Variants in PRR5L observed in about 807,000 individuals in gnomAD.
PRR5L encodes proline-rich protein 5-like.
A neutral mutation model predicts 36.4 loss-of-function variants in PRR5L; 21 were observed. The observed-to-expected ratio is 0.58, with a 90% CI of 0.41 to 0.83. The LOEUF (loss-of-function observed/expected upper bound fraction) is 0.83, where lower values mean the gene tolerates loss of function less well. Among genes scored for constraint, PRR5L ranks in the 40% least tolerant of loss-of-function variants. The pLI is 0.00. For missense variants in PRR5L, 381 were observed against 473.3 expected, an observed-to-expected ratio of 0.80 and a Z score of 1.81; for synonymous variants, 188 against 197.0, an observed-to-expected ratio of 0.95 and a Z score of 0.38.
chr11:36,369,091 GGA>G (rs1290348725), intron 1 of PRR5L, among the ~76,000 whole-genome samples: 9 of 152,140 alleles, frequency 5.9e-5, no homozygotes, highest in African/African-American at 2.2e-4. Context: ...GGAAGGGCTG[GGA>G]GACAGGTCAG....
chr11:36,354,215 A>G (rs939600622), intron 1 of PRR5L, among the ~76,000 whole-genome samples: 1 of 152,228 alleles, frequency 6.6e-6, no homozygotes, highest in Non-Finnish European at 1.5e-5. Context: ...CAAAAATAAG[A>G]TAATACATGT....
chr11:36,362,429 G>A (rs540797073), intron 1 of PRR5L, among the ~76,000 whole-genome samples: 1 of 151,876 alleles, frequency 6.6e-6, no homozygotes, highest in South Asian at 2.1e-4. Context: ...CCCTTGGCGG[G>A]GTGGGGGTGG....
At chr11:36,346,548 A>C (rs754506346) in intron 1 of PRR5L, among the ~76,000 whole-genome samples, 3 of 152,082 alleles carry the variant, frequency 2.0e-5, no homozygotes, top group Admixed American at 2.0e-4. Flanking sequence ...GCGCCACTGC[A>C]CTTCAGCCTG....
At chr11:36,392,613 G>C (rs1306209248) in intron 1 of PRR5L, among the ~76,000 whole-genome samples, 1 of 152,168 alleles carries the variant, frequency 6.6e-6, no homozygotes, top group Non-Finnish European at 1.5e-5. Context: ...AACTACCTGA[G>C]ACTGGGTAAT....
intron 1 of PRR5L, chr11:36,394,431 C>A (rs1331161340): frequency 2.0e-5 from 3 of 152,232 alleles, no homozygotes; most frequent in African/African-American, 7.2e-5. Context: ...TCCAAGGTCA[C>A]ACTGTGAGTT....
At chr11:36,427,334 A>G (rs1450414929) in intron 4 of PRR5L, among the ~76,000 whole-genome samples, 1 of 151,998 alleles carries the variant, frequency 6.6e-6, no homozygotes, top group Non-Finnish European at 1.5e-5. Context: ...CCAAGTCCCA[A>G]GTTGCTTCCT....
rs145663062 is a variant in PRR5L at position 36,451,163 on chromosome 11, G to A, written c.586-46G>A. 643 of 1,606,774 alleles carry A rather than the reference G, an allele frequency of 4.0e-4. 3 individuals carry two copies. In the African/African-American group the frequency reaches 7.6e-3, roughly 19 times the overall value. The stretch of plus-strand genomic sequence containing the variant: ...TGTTGAGTGAGAACCTGCTGGTCAT[G>A]GCAATGAACACTGACCTTTGTGTAT... On this transcript the variant is annotated intron_variant, in intron 7 of 8. Transcript: ENST00000530639.
chr11:36,351,531 A>T (rs1183323593), intron 1 of PRR5L, among the ~76,000 whole-genome samples: 7 of 13,770 alleles, frequency 5.1e-4, no homozygotes, highest in African/African-American at 3.5e-3. Flanking sequence ...TTATATATTT[A>T]TATAAATATA....
At chr11:36,412,240 A>T (rs1324434676) in intron 3 of PRR5L, among the ~76,000 whole-genome samples, 1 of 152,110 alleles carries the variant, frequency 6.6e-6, no homozygotes, top group African/African-American at 2.4e-5. Context: ...GTTTCCTTGT[A>T]TATTAAAATT....
At chr11:36,308,345 C>A (rs1040430518) in intron 1 of PRR5L, among the ~76,000 whole-genome samples, 1 of 152,158 alleles carries the variant, frequency 6.6e-6, no homozygotes, top group African/African-American at 2.4e-5. Flanking sequence ...CTTCAGGCCC[C>A]AATCCTCAAA....
intron 1 of PRR5L, among the ~76,000 whole-genome samples, chr11:36,322,891 G>A (rs774556999): frequency 6.6e-6 from 1 of 152,144 alleles, no homozygotes; most frequent in Non-Finnish European, 1.5e-5. Flanking sequence ...GTCGTGGGAG[G>A]TTGGAAGCAG....
At chr11:36,358,445 C>T (rs974391147) in intron 1 of PRR5L, among the ~76,000 whole-genome samples, 1 of 152,160 alleles carries the variant, frequency 6.6e-6, no homozygotes, top group South Asian at 2.1e-4. Flanking sequence ...TCACTGAAGC[C>T]TCAGATGATC....
chr11:36,335,757 T>A (rs75974976), intron 1 of PRR5L, among the ~76,000 whole-genome samples: 6,905 of 152,216 alleles, frequency 0.045, 474 homozygotes, highest in African/African-American at 0.16. Flanking sequence ...AAAACCATGT[T>A]CTCCATAGTG....
intron 6 of PRR5L, among the ~76,000 whole-genome samples, chr11:36,439,340 A>AG (rs575079617): frequency 9.2e-5 from 14 of 151,642 alleles, no homozygotes; most frequent in East Asian, 3.9e-4. Context: ...AAGGTTGGGG[A>AG]GGGGGGTTTT....
intron 1 of PRR5L, among the ~76,000 whole-genome samples, chr11:36,359,147 C>T (rs370153277): frequency 2.2e-4 from 34 of 152,206 alleles, no homozygotes; most frequent in African/African-American, 6.5e-4. Context: ...CACTTCATGT[C>T]GCTGAGCCTC....
At chr11:36,410,478 T>C (rs1398955444) in intron 3 of PRR5L, among the ~76,000 whole-genome samples, 2 of 152,280 alleles carry the variant, frequency 1.3e-5, no homozygotes, top group African/African-American at 4.8e-5. Flanking sequence ...GATCTACCAA[T>C]GTATGGCCCC....
At chr11:36,451,669 A>C (rs951382354) in intron 8 of PRR5L, among the ~76,000 whole-genome samples, 2 of 152,322 alleles carry the variant, frequency 1.3e-5, no homozygotes, top group South Asian at 4.1e-4. Flanking sequence ...TGACACCAGA[A>C]ACTGTGCTTT....
At chr11:36,337,936 C>A (rs1856784443) in intron 1 of PRR5L, among the ~76,000 whole-genome samples, 1 of 152,204 alleles carries the variant, frequency 6.6e-6, no homozygotes, top group South Asian at 2.1e-4. Context: ...AGGTTGGTCC[C>A]TTTCTTTTCC....
chr11:36,306,976 G>A (rs1455355874), intron 1 of PRR5L, among the ~76,000 whole-genome samples: 2 of 152,152 alleles, frequency 1.3e-5, no homozygotes, highest in Non-Finnish European at 2.9e-5. Flanking sequence ...AGGGTTGGTA[G>A]TGATGACTAC....
Sources: allele counts gnomAD v4.1 joint callset (sites outside exome capture counted in the v4.1 genomes callset), GRCh38; gene constraint gnomAD v4.1.1; transcripts MANE v1.5; gene names NCBI Gene and HGNC (gene_info 2026-07-23, HGNC 2026-07-21).